TTC27: variants seen among roughly 807,000 people sequenced by gnomAD.
TTC27 encodes the protein tetratricopeptide repeat protein 27.
A neutral mutation model predicts 115.9 loss-of-function variants in TTC27; 79 were observed. That is an observed-to-expected ratio of 0.68 (90% CI 0.57 to 0.82). The LOEUF is 0.82. Ranked by LOEUF, TTC27 falls within the 40% of genes least tolerant of loss-of-function variation. The pLI is 0.00. For missense variants in TTC27, 1,054 were observed against 993.1 expected (o/e 1.06, Z -0.82); for synonymous variants, 401 against 356.0 (o/e 1.13, Z -1.42).
At chr2:32,773,148 T>G (rs1479773936) in intron 13 of TTC27, among the ~76,000 whole-genome samples, 1 of 152,222 alleles carries the variant, frequency 6.6e-6, no homozygotes, top group Non-Finnish European at 1.5e-5. Context: ...TGGCCTGCTT[T>G]TGTGTTTCTC....
In TTC27 at chr2:32,806,812, CCA is replaced by C. The variant is rs200139319; in HGVS notation, c.1999-4210_1999-4209del. On this transcript the variant is annotated intron_variant, in intron 16 of 19. Coordinates refer to ENST00000317907, the MANE Select transcript of TTC27 (RefSeq NM_017735.5). The stretch of plus-strand genomic sequence containing the variant: ...AAAAAAAGTTGATATCACTCTAGAA[CCA>C]CTTTTTAAGATTGAATATTAGCTTC... Among the ~76,000 whole-genome samples, 106 of 152,092 alleles carry C rather than the reference CCA, an allele frequency of 7.0e-4. No individual in the cohort carries two copies. The East Asian group carries it at 0.018, about 26-fold the overall frequency.
intron 4 of TTC27, among the ~76,000 whole-genome samples, chr2:32,649,081 T>G (rs1018130276): frequency 6.6e-6 from 1 of 152,080 alleles, no homozygotes; most frequent in Non-Finnish European, 1.5e-5. Flanking sequence ...AATAGAGTTA[T>G]AAACTTGAAA....
intron 5 of TTC27, among the ~76,000 whole-genome samples, chr2:32,655,184 G>A (rs557216588): frequency 3.9e-5 from 6 of 152,064 alleles, no homozygotes; most frequent in East Asian, 1.9e-4. Flanking sequence ...GCAGAGATGA[G>A]GTTTCACCAT....
chr2:32,741,190 A>G (rs1261378344), intron 12 of TTC27, among the ~76,000 whole-genome samples: 1 of 152,180 alleles, frequency 6.6e-6, no homozygotes. Flanking sequence ...CTTATTCTTT[A>G]GGAGATTGCT....
intron 3 of TTC27, among the ~76,000 whole-genome samples, chr2:32,638,832 G>C (rs1041882027): frequency 6.6e-6 from 1 of 152,026 alleles, no homozygotes; most frequent in African/African-American, 2.4e-5. Context: ...TATAGGTTCA[G>C]TTATTTCATT....
intron 9 of TTC27, among the ~76,000 whole-genome samples, chr2:32,683,576 G>A (rs968499631): frequency 6.6e-6 from 1 of 152,166 alleles, no homozygotes; most frequent in Non-Finnish European, 1.5e-5. Context: ...CTTGTCCTAA[G>A]AGGAATAGCT....
At chr2:32,700,359 G>A (rs537212830) in intron 9 of TTC27, among the ~76,000 whole-genome samples, 4 of 152,180 alleles carry the variant, frequency 2.6e-5, no homozygotes, top group Admixed American at 1.3e-4. Flanking sequence ...TCACTCTGCA[G>A]ACTTTTCCCA....
intron 16 of TTC27, among the ~76,000 whole-genome samples, chr2:32,808,095 G>A (rs916641850): frequency 2.0e-5 from 3 of 151,854 alleles, no homozygotes; most frequent in African/African-American, 7.3e-5. Context: ...ACCACACCCT[G>A]CTAATTTTTT....
chr2:32,759,295 T>C (rs1669353348), intron 13 of TTC27, among the ~76,000 whole-genome samples: 1 of 152,254 alleles, frequency 6.6e-6, no homozygotes, highest in South Asian at 2.1e-4. Flanking sequence ...AAATACTAAC[T>C]TATAATTAGT....
intron 13 of TTC27, chr2:32,766,554 A>G (rs1437884118): frequency 2.6e-6 from 1 of 391,588 alleles, no homozygotes. Flanking sequence ...TTATCAGTTA[A>G]GTTCACTGTC....
intron 10 of TTC27, among the ~76,000 whole-genome samples, chr2:32,725,034 C>T (rs1668060543): frequency 6.6e-6 from 1 of 152,178 alleles, no homozygotes; most frequent in South Asian, 2.1e-4. Context: ...TCTTGTGAAA[C>T]TTATTCACTA....
chr2:32,802,054 T>C (rs1184389826), intron 16 of TTC27, among the ~76,000 whole-genome samples: 2 of 152,020 alleles, frequency 1.3e-5, no homozygotes, highest in Admixed American at 1.3e-4. Context: ...TATGGATATA[T>C]GCATATTCTA....
chr2:32,751,942 A>T (rs1179203062), intron 12 of TTC27, among the ~76,000 whole-genome samples: 2 of 152,232 alleles, frequency 1.3e-5, no homozygotes, highest in Non-Finnish European at 2.9e-5. Flanking sequence ...TGTTATACAT[A>T]TCAAGTTTGA....
At chr2:32,721,608 TTCTC>T (rs1164934164) in intron 10 of TTC27, among the ~76,000 whole-genome samples, 2 of 151,330 alleles carry the variant, frequency 1.3e-5, no homozygotes, top group African/African-American at 2.4e-5. Context: ...TCACTTTTCT[TTCTC>T]TCTCTCTCTT....
chr2:32,705,090 C>T (rs1485249817), intron 10 of TTC27: 4 of 366,350 alleles, frequency 1.1e-5, no homozygotes, highest in South Asian at 6.3e-5. Flanking sequence ...GTTGGGGTCA[C>T]GGGAGGGAGC....
At chr2:32,677,180 CATT>C (rs914776489) in intron 8 of TTC27, among the ~76,000 whole-genome samples, 4 of 152,232 alleles carry the variant, frequency 2.6e-5, no homozygotes, top group African/African-American at 9.6e-5. Context: ...TGTTTTCTCT[CATT>C]ATTGTATTCC....
At chr2:32,810,896 G>C in intron 16 of TTC27, 128 bp from the exon 17 acceptor site, 1 of 1,026,826 alleles carries the variant, frequency 9.7e-7, no homozygotes, top group Non-Finnish European at 1.4e-6. Context: ...AAAGCTTAAA[G>C]GTGATACTCT....
chr2:32,669,217 T>C (rs1665915943), intron 7 of TTC27, among the ~76,000 whole-genome samples: 1 of 152,178 alleles, frequency 6.6e-6, no homozygotes, highest in African/African-American at 2.4e-5. Context: ...GTCTCGAACT[T>C]CTGGGCTCAA....
intron 5 of TTC27, among the ~76,000 whole-genome samples, chr2:32,659,895 T>C (rs1029860134): frequency 1.3e-5 from 2 of 152,204 alleles, no homozygotes; most frequent in Non-Finnish European, 2.9e-5. Context: ...TGTGCCACAT[T>C]TTCTTTATCC....
Sources: gnomAD v4.1 joint callset for allele counts (sites outside exome capture counted in the v4.1 genomes callset) on GRCh38, gnomAD v4.1.1 for gene constraint, MANE v1.5 for transcripts, NCBI Gene and HGNC (gene_info 2026-07-23, HGNC 2026-07-21) for gene names.